AKT3: variants seen among roughly 807,000 people sequenced by gnomAD.
AKT3 encodes the protein AKT serine/threonine kinase 3, also known as RAC-gamma serine/threonine-protein kinase.
A neutral mutation model predicts 65.3 loss-of-function variants in AKT3; 15 were observed. That is an observed-to-expected ratio of 0.23 (90% confidence interval 0.15 to 0.35). The LOEUF (loss-of-function observed/expected upper bound fraction) is 0.35. Among genes scored for constraint, AKT3 ranks in the 10% least tolerant of loss-of-function variants. AKT3 has a pLI of 1.00. For synonymous variants in AKT3, 206 were observed against 183.8 expected (o/e 1.12, Z -0.98); for missense variants, 243 against 576.5 (o/e 0.42, Z 5.92).
chr1:243,622,569 G>A (rs1409133869), intron 6 of AKT3, among the ~76,000 whole-genome samples: 3 of 152,106 alleles, frequency 2.0e-5, no homozygotes, highest in African/African-American at 7.2e-5. Flanking sequence ...TTAGGTGTTC[G>A]ACATATATTT....
rs1669195973 is a variant in AKT3 at position 243,500,640 on chromosome 1, TAGGACAGGTCCCTG to T, written c.*4595_*4608del. The T allele has an allele frequency of 4.3e-6, 1 of 230,036 alleles. No homozygotes were observed. Among genetic ancestry groups the T allele is most frequent in the Non-Finnish European group, 8.6e-6 (1 of 116,158 alleles). 14.2% of individuals were successfully genotyped at this position (230,036 alleles called of 1,614,324 possible). On this transcript the variant is annotated 3_prime_UTR_variant, in exon 14 of 14. Coordinates refer to ENST00000673466, the MANE Select transcript of AKT3 (RefSeq NM_005465.7). ...CACTAAAGGCAAGGCTGCAGTTAGT[TAGGACAGGTCCCTG>T]ACCTTCGGCTGCCCTGCCTGGCCAG... is the stretch of plus-strand genomic sequence containing the variant.
intron 2 of AKT3, among the ~76,000 whole-genome samples, chr1:243,695,982 A>C (rs1387935369): frequency 6.6e-6 from 1 of 151,950 alleles, no homozygotes; most frequent in East Asian, 1.9e-4. Flanking sequence ...ATCTGAGTAC[A>C]CATTTTGTTC....
intron 2 of AKT3, among the ~76,000 whole-genome samples, chr1:243,744,345 T>C (rs1306670960): frequency 2.6e-5 from 4 of 152,218 alleles, no homozygotes; most frequent in Admixed American, 6.5e-5. Context: ...TTTTTAAATA[T>C]AGGTGTTACA....
At position 243,698,179 on chromosome 1, in the gene AKT3, G is replaced by A. The variant is rs560511737; in HGVS notation, c.47-2463C>T. On this transcript the variant is annotated intron_variant, in intron 2 of 13. Coordinates refer to ENST00000673466, the MANE Select transcript of AKT3 (RefSeq NM_005465.7). ...TCCTATATAAAATTCAAAATCATTA[G>A]GTATTAATTCTCCAATTAATGACAT... Among the ~76,000 whole-genome samples, 3 of 151,342 alleles carry A rather than the reference G, an allele frequency of 2.0e-5. No individual in the cohort carries two copies. The East Asian group carries it at 5.8e-4, about 29-fold the overall frequency.
At chr1:243,811,761 T>A (rs1204792015) in intron 2 of AKT3, among the ~76,000 whole-genome samples, 1 of 152,112 alleles carries the variant, frequency 6.6e-6, no homozygotes, top group Non-Finnish European at 1.5e-5. Flanking sequence ...ATACTACCTG[T>A]CTTCAAATTA....
intron 4 of AKT3, among the ~76,000 whole-genome samples, chr1:243,663,989 C>A (rs1182958362): frequency 6.6e-6 from 1 of 152,086 alleles, no homozygotes; most frequent in African/African-American, 2.4e-5. Context: ...ACAGTCAATG[C>A]TAATTAATCC....
rs772867649 is a variant in AKT3 at position 243,523,912 on chromosome 1, T to C, written c.1252-11486A>G. On this transcript the variant is annotated intron_variant, in intron 12 of 13. Transcript: ENST00000673466. ...ACTTACCATAAACTACAGTCATGTG[T>C]CACTTAATGACAGGGGTCTCTTCTG... Among the ~76,000 whole-genome samples, 24 of 150,114 alleles carry C rather than the reference T, an allele frequency of 1.6e-4. 1 individual carries two copies. The highest frequency in any genetic ancestry group is 2.8e-4 in the Non-Finnish European group (19 of 68,038).
At chr1:243,838,827 GGGAA>G (rs1370048176) in intron 2 of AKT3, among the ~76,000 whole-genome samples, 2 of 152,010 alleles carry the variant, frequency 1.3e-5, no homozygotes. Flanking sequence ...AGAAAACTAA[GGGAA>G]AAAGTTATTT....
At chr1:243,625,105 T>C in intron 6 of AKT3, 1 of 205,094 alleles carries the variant, frequency 4.9e-6, no homozygotes, top group Non-Finnish European at 1.0e-5. Flanking sequence ...CTGCTGGTCT[T>C]ATTGCCACTG....
intron 2 of AKT3, among the ~76,000 whole-genome samples, chr1:243,774,996 A>T (rs1243044667): frequency 6.6e-6 from 1 of 152,026 alleles, no homozygotes; most frequent in East Asian, 1.9e-4. Context: ...CTGAGTAGCT[A>T]GGACTACAGG....
At chr1:243,494,871 C>T (rs1667401794), downstream of AKT3, among the ~76,000 whole-genome samples, 1 of 151,688 alleles carries the variant, frequency 6.6e-6, no homozygotes. Context: ...ATAAGTGGTT[C>T]TTGCCTTTAA....
At position 243,500,988 on chromosome 1, in the gene AKT3, T is replaced by G. The variant is rs1016961195; in HGVS notation, c.*4261A>C. 4.4e-6 allele frequency: 1 copy of G among 228,336 alleles called. No individual in the cohort carries two copies. 14.1% of individuals were successfully genotyped at this position (228,336 alleles called of 1,614,324 possible). A position where few individuals can be genotyped will look rare whatever the true frequency, so the allele number is the denominator to read the frequency against. ...TATACAATATTCTAAAAATAGCACC[T>G]TTAAAGAATTATAGAGGTCACTTTT... On this transcript the variant is annotated 3_prime_UTR_variant, in exon 14 of 14. Transcript: ENST00000673466.
At chr1:243,677,197 A>T (rs1033629495) in intron 3 of AKT3, among the ~76,000 whole-genome samples, 1 of 151,856 alleles carries the variant, frequency 6.6e-6, no homozygotes, top group African/African-American at 2.4e-5. Context: ...CCTGACACAT[A>T]CTCCCTTCCT....
intron 2 of AKT3, among the ~76,000 whole-genome samples, chr1:243,708,259 A>C (rs1685929133): frequency 6.6e-6 from 1 of 152,032 alleles, no homozygotes; most frequent in Non-Finnish European, 1.5e-5. Flanking sequence ...CAAATCAAAG[A>C]AATGCAACCA....
chr1:243,673,610 GA>G (rs1207838818), intron 3 of AKT3, among the ~76,000 whole-genome samples: 2 of 120,742 alleles, frequency 1.7e-5, no homozygotes, highest in African/African-American at 3.1e-5. Context: ...ATAATTATGA[GA>G]TTTTTTTTTT....
chr1:243,707,807 T>G (rs1685896912), intron 2 of AKT3, among the ~76,000 whole-genome samples: 1 of 152,112 alleles, frequency 6.6e-6, no homozygotes, highest in Non-Finnish European at 1.5e-5. Flanking sequence ...GGTCTTTACC[T>G]CTACTTTAAA....
At chr1:243,624,705 G>A (rs1679018051) in intron 6 of AKT3, 1 of 202,138 alleles carries the variant, frequency 4.9e-6, no homozygotes, top group Middle Eastern at 6.4e-4. Flanking sequence ...ATCACCAAAA[G>A]TAAGTCATAA....
chr1:243,840,310 AC>A (rs1157029769), intron 2 of AKT3, among the ~76,000 whole-genome samples: 1 of 152,186 alleles, frequency 6.6e-6, no homozygotes, highest in Non-Finnish European at 1.5e-5. Flanking sequence ...CAATGAGAAC[AC>A]ACGGACACAA....
intron 2 of AKT3, among the ~76,000 whole-genome samples, chr1:243,805,091 G>T (rs1300434791): frequency 6.6e-6 from 1 of 152,060 alleles, no homozygotes; most frequent in Non-Finnish European, 1.5e-5. Context: ...ACACTCCCGG[G>T]ATACATAAAT....
Sources: gnomAD v4.1 joint callset for allele counts (sites outside exome capture counted in the v4.1 genomes callset) on GRCh38, gnomAD v4.1.1 for gene constraint, MANE v1.5 for transcripts, NCBI Gene and HGNC (gene_info 2026-07-23, HGNC 2026-07-21) for gene names.